Variants in AUTS2 observed in about 807,000 individuals in gnomAD.
AUTS2 encodes activator of transcription and developmental regulator AUTS2, also known as autism susceptibility gene 2 protein.
In AUTS2, 17 loss-of-function variants were observed where a neutral mutation model predicts 112.4. The ratio of observed to expected loss-of-function variants is 0.15; its 90% confidence interval spans 0.10 to 0.23. The LOEUF is 0.23. Ranked by LOEUF, AUTS2 falls within the 10% of genes least tolerant of loss-of-function variation. The pLI is 1.00. For synonymous variants in AUTS2, 751 were observed against 702.7 expected (o/e 1.07, Z -1.09); for missense variants, 1,510 against 1,701.6 (o/e 0.89, Z 1.98).
chr7:69,946,047 A>G (rs923282191), intron 2 of AUTS2, among the ~76,000 whole-genome samples: 4 of 152,018 alleles, frequency 2.6e-5, no homozygotes, highest in South Asian at 2.1e-4. Flanking sequence ...GGGTCACACT[A>G]TATTGGTTAG....
At position 70,666,741 on chromosome 7, in the gene AUTS2, C is replaced by T. The variant is rs369349359; in HGVS notation, c.691-31828C>T. 7.9e-5 allele frequency among the ~76,000 whole-genome samples: 12 copies of T among 151,956 alleles called. No individual in the cohort carries two copies. The South Asian group carries it at 1.7e-3, about 21-fold the overall frequency. ...CTCTCTCTTTGAGTTTGGTGTATGC[C>T]GGGAGGGTAGTCAGAAAACAGCCAT... On this transcript the variant is annotated intron_variant, in intron 5 of 18. Coordinates refer to ENST00000342771, the MANE Select transcript of AUTS2 (RefSeq NM_015570.4).
chr7:70,448,218 C>G (rs1796394340), intron 5 of AUTS2, among the ~76,000 whole-genome samples: 1 of 152,134 alleles, frequency 6.6e-6, no homozygotes, highest in Non-Finnish European at 1.5e-5. Context: ...CTATTCCAAG[C>G]TTGAAATGTT....
intron 4 of AUTS2, among the ~76,000 whole-genome samples, chr7:70,339,283 A>T (rs1268403172): frequency 1.3e-5 from 2 of 152,110 alleles, no homozygotes; most frequent in Non-Finnish European, 2.9e-5. Flanking sequence ...TAAAATTCTT[A>T]TTGTTATTAT....
intron 1 of AUTS2, among the ~76,000 whole-genome samples, chr7:69,649,425 TAA>T (rs1422031820): frequency 6.6e-6 from 1 of 152,196 alleles, no homozygotes; most frequent in African/African-American, 2.4e-5. Flanking sequence ...CCTTAACTCT[TAA>T]AGAGTGGACA....
chr7:70,347,767 C>G (rs1376136103), intron 4 of AUTS2, among the ~76,000 whole-genome samples: 2 of 152,146 alleles, frequency 1.3e-5, no homozygotes, highest in Non-Finnish European at 1.5e-5. Flanking sequence ...GTCCCCTCAG[C>G]ACCCACACTT....
At chr7:69,978,316 C>CT (rs1184821502) in intron 2 of AUTS2, among the ~76,000 whole-genome samples, 1 of 152,084 alleles carries the variant, frequency 6.6e-6, no homozygotes, top group Non-Finnish European at 1.5e-5. Context: ...CAGTATTTTT[C>CT]TTTTTCCAGG....
At chr7:70,413,850 T>G (rs1272403655) in intron 4 of AUTS2, among the ~76,000 whole-genome samples, 1 of 152,064 alleles carries the variant, frequency 6.6e-6, no homozygotes, top group Non-Finnish European at 1.5e-5. Context: ...AATTTTTGTG[T>G]TTTTTGTAGA....
chr7:70,249,250 C>T (rs773094883), intron 4 of AUTS2, among the ~76,000 whole-genome samples: 1 of 152,002 alleles, frequency 6.6e-6, no homozygotes, highest in South Asian at 2.1e-4. Flanking sequence ...TTTGCGTAAC[C>T]TGCTTAGGAT....
intron 5 of AUTS2, among the ~76,000 whole-genome samples, chr7:70,517,814 C>G (rs1799479800): frequency 6.6e-6 from 1 of 151,958 alleles, no homozygotes; most frequent in East Asian, 1.9e-4. Flanking sequence ...TACATATATA[C>G]ATACATAATT....
chr7:70,245,142 G>GTATA (rs1225794976), intron 4 of AUTS2, among the ~76,000 whole-genome samples: 1 of 72,254 alleles, frequency 1.4e-5, no homozygotes, highest in African/African-American at 5.5e-5. Flanking sequence ...AAGTGTGTGT[G>GTATA]TGTATATATA....
intron 1 of AUTS2, among the ~76,000 whole-genome samples, chr7:69,763,455 G>C (rs1482943911): frequency 6.6e-6 from 1 of 152,130 alleles, no homozygotes; most frequent in East Asian, 1.9e-4. Context: ...ATCTGCCTTA[G>C]TAATAATATC....
intron 14 of AUTS2, among the ~76,000 whole-genome samples, chr7:70,781,197 C>T (rs1192302812): frequency 6.6e-6 from 1 of 151,664 alleles, no homozygotes; most frequent in African/African-American, 2.4e-5. Flanking sequence ...CCCATATCGA[C>T]AAAAAATACA....
intron 15 of AUTS2, chr7:70,783,299 A>C (rs529336892): frequency 1.3e-5 from 2 of 152,302 alleles, no homozygotes; most frequent in South Asian, 4.1e-4. Context: ...GGTGGAAAAT[A>C]AGCCAGTATG....
intron 4 of AUTS2, among the ~76,000 whole-genome samples, chr7:70,426,346 T>G (rs1795437402): frequency 6.6e-6 from 1 of 152,256 alleles, no homozygotes; most frequent in Non-Finnish European, 1.5e-5. Flanking sequence ...TTTCTCTTAC[T>G]GAGCACATTT....
At chr7:69,956,218 T>C (rs1295236632) in intron 2 of AUTS2, among the ~76,000 whole-genome samples, 1 of 152,066 alleles carries the variant, frequency 6.6e-6, no homozygotes, top group East Asian at 1.9e-4. Flanking sequence ...TGGGATGAGA[T>C]GCCAGCACTA....
chr7:70,336,864 A>G (rs1791013004), intron 4 of AUTS2, among the ~76,000 whole-genome samples: 1 of 152,160 alleles, frequency 6.6e-6, no homozygotes, highest in South Asian at 2.1e-4. Context: ...AGATAAAATT[A>G]TATTCTCTAA....
At chr7:70,161,522 A>G (rs987972540) in intron 4 of AUTS2, among the ~76,000 whole-genome samples, 1 of 149,650 alleles carries the variant, frequency 6.7e-6, no homozygotes, top group African/African-American at 2.5e-5. Context: ...CAAATTTCTC[A>G]TTTTCTTTGA....
chr7:69,843,192 C>A (rs1022969324), intron 1 of AUTS2, among the ~76,000 whole-genome samples: 5 of 152,106 alleles, frequency 3.3e-5, no homozygotes, highest in African/African-American at 9.7e-5. Context: ...TAGACTTCAG[C>A]TCTTCCAATG....
chr7:69,666,123 C>T (rs917023452), intron 1 of AUTS2, among the ~76,000 whole-genome samples: 1 of 152,244 alleles, frequency 6.6e-6, no homozygotes, highest in Middle Eastern at 3.4e-3. Flanking sequence ...TGTGTGTATA[C>T]TCACATGCAT....
Sources: allele counts gnomAD v4.1 joint callset (sites outside exome capture counted in the v4.1 genomes callset), GRCh38; gene constraint gnomAD v4.1.1; transcripts MANE v1.5; gene names NCBI Gene and HGNC (gene_info 2026-07-23, HGNC 2026-07-21).